CCDC163: variants seen among roughly 807,000 people sequenced by gnomAD.
CCDC163 encodes the protein transmembrane protein CCDC163.
Under a neutral mutation model 8.2 loss-of-function variants are expected in CCDC163, and 13 were observed. The observed-to-expected ratio is 1.59, with a 90% CI of 1.04 to 2.54. CCDC163 has a LOEUF of 2.54. Ranked by LOEUF, CCDC163 falls within the 30% of genes most tolerant of loss-of-function variation. The pLI, the probability that CCDC163 is intolerant of heterozygous loss-of-function variation, is 0.00. For missense variants in CCDC163, 117 were observed against 78.6 expected, an observed-to-expected ratio of 1.49 and a Z score of -1.85; for synonymous variants, 41 against 30.9, an observed-to-expected ratio of 1.33 and a Z score of -1.08.
rs962181098 is a variant in CCDC163, at chr1:45,493,910, G to C, written c.*1149C>G. The C allele has an allele frequency of 2.6e-5, 4 of 152,304 alleles. No homozygotes were observed. Among genetic ancestry groups the C allele is most frequent in the African/African-American group, 9.6e-5 (4 of 41,576 alleles). The allele number at this position is 152,304 out of a possible 1,614,324, so 9.4% of individuals were successfully genotyped here. The stretch of plus-strand genomic sequence containing the variant: ...TAATGAAATATAATAGAAAATATCA[G>C]TGTATCACTCCCACTAAGGATAAAA... On this transcript the variant is annotated 3_prime_UTR_variant, in exon 5 of 5. Transcript: ENST00000629482.
chr1:45,496,407 T>C (rs1037611390), intron 4 of CCDC163, 149 bp downstream of exon 4: 2 of 699,976 alleles, frequency 2.9e-6, no homozygotes, highest in African/African-American at 1.8e-5. Context: ...AGAAGAGCTC[T>C]GGAGAGAGAG....
At chr1:45,497,625 C>A (rs796173596) in intron 2 of CCDC163, among the ~76,000 whole-genome samples, 14 of 59,338 alleles carry the variant, frequency 2.4e-4, no homozygotes, top group South Asian at 1.3e-3. Context: ...AGTGCCGAGA[C>A]TGCAGCCTCT....
intron 2 of CCDC163, among the ~76,000 whole-genome samples, chr1:45,497,697 GGAGGGAGGTGGAGGGGGT>G (rs1570805094): frequency 1.7e-4 from 7 of 40,116 alleles, no homozygotes; most frequent in Middle Eastern, 0.011. Flanking sequence ...ACCCCGTCCG[GGAGGGAGGTGGAGGGGGT>G]CAGCCCCCCG....
Position 45,499,532 on chromosome 1 carries a change from C to G in CCDC163, c.78G>C (p.Lys26Asn), listed in dbSNP as rs771987719. The change falls in exon 1 of 5, where the codon AAG (lysine) becomes AAC (asparagine). Residue 26 changes from lysine (K) to asparagine (N), a missense_variant and splice_region_variant. Physicochemically the swap from Lys to Asn is moderately conservative, Grantham distance 94. Coordinates refer to ENST00000629482, the MANE Select transcript of CCDC163 (RefSeq NM_001102601.3). ...NATDGNVVRN[K>N]QWLYPLGVST... ...CTGGGGACCTCCACCAACCCCTCAC[C>G]TTATTCCGGACCACATTTCCATCAG... The G allele has an allele frequency of 2.6e-6, 2 of 778,992 alleles. No homozygotes were observed. The highest frequency in any genetic ancestry group is 2.7e-5 in the South Asian group (2 of 74,244). 48.3% of individuals were successfully genotyped at this position (778,992 alleles called of 1,614,324 possible).
chr1:45,497,707 G>A (rs1557600437), intron 2 of CCDC163, among the ~76,000 whole-genome samples: 2 of 14,882 alleles, frequency 1.3e-4, no homozygotes, highest in Non-Finnish European at 2.6e-4. Flanking sequence ...GGAGGGAGGT[G>A]GAGGGGGTCA....
At chr1:45,498,525 G>C (rs887125366) in intron 2 of CCDC163, 1 of 153,100 alleles carries the variant, frequency 6.5e-6, no homozygotes, top group Non-Finnish European at 1.5e-5. Context: ...GCTTGGGCTT[G>C]GGTTTGCTCC....
chr1:45,498,282 C>G (rs1013203641), intron 2 of CCDC163, among the ~76,000 whole-genome samples: 3 of 151,568 alleles, frequency 2.0e-5, no homozygotes, highest in Admixed American at 6.6e-5. Flanking sequence ...AAACCAGAGA[C>G]CTTTGTTCAC....
chr1:45,499,362 A>G lies in CCDC163; in HGVS notation c.160T>C (p.Leu54=), dbSNP rs1277090952. 2 of 777,940 alleles carry G rather than the reference A, an allele frequency of 2.6e-6. No homozygotes were observed. Among genetic ancestry groups the G allele is most frequent in the East Asian group, 2.4e-5 (1 of 41,158 alleles). 48.2% of individuals were successfully genotyped at this position (777,940 alleles called of 1,614,324 possible). Residue 54 remains leucine, a synonymous_variant, in exon 2 of 5, where the codon TTG becomes CTG. Coordinates refer to ENST00000629482, the MANE Select transcript of CCDC163 (RefSeq NM_001102601.3). ...TTACTTACCTGCGGTGGAGACCCCA[A>G]GAAGATACAGCCACTGCTACAGAAG... ...CFFCSSGCIF[L]GSPPQNSTAV... is the part of the protein sequence containing the mutation.
chr1:45,497,636 G>T (rs1452298347), intron 2 of CCDC163, among the ~76,000 whole-genome samples: 1 of 112,120 alleles, frequency 8.9e-6, no homozygotes, highest in African/African-American at 3.6e-5. Context: ...TGCAGCCTCT[G>T]CCCGGCCGCC....
chr1:45,496,392 TAGAA>T (rs1654138355), intron 4 of CCDC163, 160 bp downstream of exon 4: 1 of 697,046 alleles, frequency 1.4e-6, no homozygotes, highest in Non-Finnish European at 2.6e-6. Context: ...GCAGAAAGGT[TAGAA>T]AGAAGAGCTC....
chr1:45,499,582 G>A lies in CCDC163; in HGVS notation c.28C>T (p.Gln10Ter). The A allele has an allele frequency of 1.3e-6, 1 of 775,844 alleles. No homozygotes were observed. The highest frequency in any genetic ancestry group is 1.4e-5 in the South Asian group (1 of 73,526). 48.1% of individuals were successfully genotyped at this position (775,844 alleles called of 1,614,324 possible). The part of the protein sequence containing the change: MNTSLSWFE[Q>*]LDVLLNATDG... ...GTAGCGTTGAGAAGCACATCCAGCT[G>A]CTCAAACCAGCTGAGGCTCGTATTC... is the stretch of plus-strand genomic sequence containing the variant. Residue 10 changes from glutamine to a stop codon, truncating the protein, a stop_gained, in exon 1 of 5, where the codon CAG (glutamine) becomes TAG (stop). Coordinates refer to ENST00000629482, the MANE Select transcript of CCDC163 (RefSeq NM_001102601.3). LOFTEE classifies it high-confidence loss of function.
At position 45,494,437 on chromosome 1, in the gene CCDC163, C is replaced by T. The variant is rs1653903744; in HGVS notation, c.*622G>A. 6.6e-6 allele frequency: 1 copy of T among 152,338 alleles called. No individual in the cohort carries two copies. Among genetic ancestry groups the T allele is most frequent in the Non-Finnish European group, 1.4e-5 (1 of 69,564 alleles). 9.4% of individuals were successfully genotyped at this position (152,338 alleles called of 1,614,324 possible). On this transcript the variant is annotated 3_prime_UTR_variant, in exon 5 of 5. Transcript: ENST00000629482. ...CAAGATCATGCCACTGCACTCCAGC[C>T]TGGGCAACTGAGTAAGACCTTGCCT...
chr1:45,496,636 G>T lies in CCDC163; in HGVS notation c.263-13C>A. ...TCCTGGTGCTGGCCTGCAGATGAGA[G>T]AGAATGTAAGGGGGCTGTTCCCCAA... is the stretch of plus-strand genomic sequence containing the variant. On this transcript the variant is annotated splice_polypyrimidine_tract_variant and intron_variant, in intron 3 of 4. Transcript: ENST00000629482. 1.3e-6 allele frequency: 1 copy of T among 777,732 alleles called. No homozygotes were observed. Among genetic ancestry groups the T allele is most frequent in the South Asian group, 1.4e-5 (1 of 73,728 alleles). 48.2% of individuals were successfully genotyped at this position (777,732 alleles called of 1,614,324 possible).
chr1:45,497,255 G>C, intron 3 of CCDC163, 44 bp downstream of exon 3: 1 of 746,534 alleles, frequency 1.3e-6, no homozygotes, highest in South Asian at 1.5e-5. Context: ...TCCAGAAAAG[G>C]GGACAAGGAA....
intron 2 of CCDC163, among the ~76,000 whole-genome samples, chr1:45,497,681 G>A (rs1280068046): frequency 1.3e-3 from 39 of 31,108 alleles, no homozygotes; most frequent in South Asian, 2.3e-3. Context: ...TCTCCGCCCG[G>A]CAGCCACCCC....
chr1:45,496,578 T>C lies in CCDC163; in HGVS notation c.308A>G (p.Gln103Arg). The change falls in exon 4 of 5, where the codon CAG becomes CGG. Residue 103 changes from glutamine to arginine, a missense_variant. Physicochemically the swap from Gln to Arg is conservative, Grantham distance 43. Coordinates refer to ENST00000629482, the MANE Select transcript of CCDC163 (RefSeq NM_001102601.3). Reference protein sequence around the residue: ...LLLKQLAEGRQAQVGSWKIPR... With the variant: ...LLLKQLAEGRRAQVGSWKIPR... Reference sequence around the variant, plus strand: ...TACCTTCCAACTGCCAACCTGAGCCTGTCGTCCCTCAGCCAGCTGTTTCAG... The same window carrying C: ...TACCTTCCAACTGCCAACCTGAGCCCGTCGTCCCTCAGCCAGCTGTTTCAG... 1 of 780,672 alleles carries C rather than the reference T, an allele frequency of 1.3e-6. No homozygotes were observed. The highest frequency in any genetic ancestry group is 2.4e-6 in the Non-Finnish European group (1 of 417,914). 48.4% of individuals were successfully genotyped at this position (780,672 alleles called of 1,614,324 possible). A position where few individuals can be genotyped will look rare whatever the true frequency, so the allele number is the denominator to read the frequency against.
chr1:45,496,461 A>G, intron 4 of CCDC163, 95 bp downstream of exon 4: 1 of 718,816 alleles, frequency 1.4e-6, no homozygotes, highest in South Asian at 1.5e-5. Flanking sequence ...GGGGCAGGAG[A>G]GGGTATCCTG....
At position 45,495,007 on chromosome 1, in the gene CCDC163, G is replaced by A. The variant is rs532259430; in HGVS notation, c.*52C>T. 17 of 779,492 alleles carry A rather than the reference G, an allele frequency of 2.2e-5. No individual in the cohort carries two copies. The highest frequency in any genetic ancestry group is 4.1e-5 in the Non-Finnish European group (17 of 417,418). The allele number at this position is 779,492 out of a possible 1,614,324, so 48.3% of individuals were successfully genotyped here. A position where few individuals can be genotyped will look rare whatever the true frequency, so the allele number is the denominator to read the frequency against. On this transcript the variant is annotated 3_prime_UTR_variant, in exon 5 of 5. Coordinates refer to ENST00000629482, the MANE Select transcript of CCDC163 (RefSeq NM_001102601.3). ...CAGAAACAGGGCCTTGGAGGGGAGG[G>A]TGGGCAAAGAAGCCTTCATCCTACT...
chr1:45,494,880 G>A lies in CCDC163; in HGVS notation c.*179C>T. The A allele has an allele frequency of 1.7e-6, 1 of 595,288 alleles. No individual in the cohort carries two copies. The highest frequency in any genetic ancestry group is 2.9e-5 in the Admixed American group (1 of 34,864). The allele number at this position is 595,288 out of a possible 1,614,324, so 36.9% of individuals were successfully genotyped here. On this transcript the variant is annotated 3_prime_UTR_variant, in exon 5 of 5. Transcript: ENST00000629482. ...AATTGCTTGAACCTGGGAGGCGGAG[G>A]TTGCAGTGAGCTGAGATGGGGGGCA...
Sources: allele counts gnomAD v4.1 joint callset (sites outside exome capture counted in the v4.1 genomes callset), GRCh38; gene constraint gnomAD v4.1.1; transcripts MANE v1.5; gene names NCBI Gene and HGNC (gene_info 2026-07-23, HGNC 2026-07-21).